PRKD1: variants seen among roughly 807,000 people sequenced by gnomAD.
PRKD1 encodes protein kinase D1, also known as serine/threonine-protein kinase D1.
Under a neutral mutation model 95.9 loss-of-function variants are expected in PRKD1, and 63 were observed. The observed-to-expected ratio is 0.66, with a 90% CI of 0.54 to 0.81. PRKD1 has a LOEUF of 0.81. Ranked by LOEUF, PRKD1 falls within the 30% of genes least tolerant of loss-of-function variation. The pLI, the probability that PRKD1 is intolerant of heterozygous loss-of-function variation, is 0.00. For synonymous variants in PRKD1, 425 were observed against 423.1 expected, an observed-to-expected ratio of 1.00 and a Z score of -0.05; for missense variants, 1,048 against 1,165.3, an observed-to-expected ratio of 0.90 and a Z score of 1.47.
intron 1 of PRKD1, among the ~76,000 whole-genome samples, chr14:29,855,283 G>T (rs565140026): frequency 6.6e-6 from 1 of 152,168 alleles, no homozygotes; most frequent in South Asian, 2.1e-4. Context: ...CCATAGGGAC[G>T]GAGCTGCCCA....
intron 1 of PRKD1, among the ~76,000 whole-genome samples, chr14:29,772,330 C>T (rs946148591): frequency 5.9e-5 from 9 of 152,082 alleles, no homozygotes; most frequent in African/African-American, 1.9e-4. Context: ...CTCAAGAAGG[C>T]CTGTCATCCC....
At chr14:29,656,043 C>G (rs1277468085) in intron 4 of PRKD1, among the ~76,000 whole-genome samples, 2 of 152,068 alleles carry the variant, frequency 1.3e-5, no homozygotes, top group Non-Finnish European at 2.9e-5. Context: ...TTGCATGCCT[C>G]TGTGGTACCT....
chr14:29,786,523 C>T (rs1889281252), intron 1 of PRKD1, among the ~76,000 whole-genome samples: 1 of 152,040 alleles, frequency 6.6e-6, no homozygotes, highest in African/African-American at 2.4e-5. Flanking sequence ...TCATTTCTTG[C>T]TAATGGTCTG....
chr14:29,800,047 G>C (rs1889964034), intron 1 of PRKD1, among the ~76,000 whole-genome samples: 1 of 152,054 alleles, frequency 6.6e-6, no homozygotes, highest in Non-Finnish European at 1.5e-5. Flanking sequence ...ACATGTGTTA[G>C]ATAAACTCAG....
At chr14:29,647,579 T>C (rs1254499662) in intron 4 of PRKD1, among the ~76,000 whole-genome samples, 1 of 152,152 alleles carries the variant, frequency 6.6e-6, no homozygotes, top group South Asian at 2.1e-4. Context: ...TGGCCTGGGT[T>C]TATGGTCTCA....
chr14:29,733,672 T>C (rs372744848), intron 1 of PRKD1, among the ~76,000 whole-genome samples: 2 of 151,992 alleles, frequency 1.3e-5, no homozygotes, highest in Non-Finnish European at 2.9e-5. Flanking sequence ...TTAGATCTCA[T>C]AAGAACTCAC....
intron 13 of PRKD1, among the ~76,000 whole-genome samples, chr14:29,623,435 A>G (rs1879408952): frequency 6.6e-6 from 1 of 152,232 alleles, no homozygotes; most frequent in Admixed American, 6.5e-5. Flanking sequence ...AAATTATGAC[A>G]TGCTTGCATG....
chr14:29,760,349 C>CTTTTT (rs36093531), intron 1 of PRKD1, among the ~76,000 whole-genome samples: 3 of 114,172 alleles, frequency 2.6e-5, no homozygotes, highest in Non-Finnish European at 3.5e-5. Context: ...ATTTTCTCAA[C>CTTTTT]TTTTTTTTTT....
intron 1 of PRKD1, among the ~76,000 whole-genome samples, chr14:29,872,450 A>AGTT (rs1893142006): frequency 6.6e-6 from 1 of 151,936 alleles, no homozygotes; most frequent in Non-Finnish European, 1.5e-5. Flanking sequence ...ATCACGAGTC[A>AGTT]GGACCATCCT....
chr14:29,727,534 C>T (rs557179592), intron 1 of PRKD1, among the ~76,000 whole-genome samples: 1,752 of 151,306 alleles, frequency 0.012, 28 homozygotes, highest in African/African-American at 0.041. Context: ...TTAGGTCTAA[C>T]GTTTAAGTCT....
intron 1 of PRKD1, among the ~76,000 whole-genome samples, chr14:29,896,387 C>CA (rs1894127061): frequency 6.6e-6 from 1 of 151,666 alleles, no homozygotes; most frequent in African/African-American, 2.4e-5. Context: ...CACACACACA[C>CA]CCATCAAGAC....
At chr14:29,875,970 A>C (rs1347204041) in intron 1 of PRKD1, among the ~76,000 whole-genome samples, 1 of 152,174 alleles carries the variant, frequency 6.6e-6, no homozygotes, top group Non-Finnish European at 1.5e-5. Context: ...CTTTTGTATG[A>C]GTGCTGGTGC....
At chr14:29,805,777 G>A (rs1398160333) in intron 1 of PRKD1, among the ~76,000 whole-genome samples, 1 of 152,204 alleles carries the variant, frequency 6.6e-6, no homozygotes, top group Non-Finnish European at 1.5e-5. Flanking sequence ...TCCAGAGCAT[G>A]GGCTCTGCTC....
chr14:29,718,214 A>G (rs1464998977), intron 2 of PRKD1, among the ~76,000 whole-genome samples: 1 of 152,004 alleles, frequency 6.6e-6, no homozygotes, highest in East Asian at 1.9e-4. Context: ...CGAGGCAGGG[A>G]AGTGGTTAAA....
intron 1 of PRKD1, among the ~76,000 whole-genome samples, chr14:29,913,296 T>C (rs1299167915): frequency 6.6e-6 from 1 of 152,170 alleles, no homozygotes; most frequent in Non-Finnish European, 1.5e-5. Flanking sequence ...AATGTACAGG[T>C]TTTTTGGCCA....
intron 4 of PRKD1, among the ~76,000 whole-genome samples, chr14:29,646,967 G>C (rs760836141): frequency 1.7e-4 from 26 of 152,038 alleles, no homozygotes; most frequent in Admixed American, 5.2e-4. Flanking sequence ...AGGTTGTTTG[G>C]TGGTATTCAG....
chr14:29,855,801 T>C (rs546151038), intron 1 of PRKD1, among the ~76,000 whole-genome samples: 10 of 152,266 alleles, frequency 6.6e-5, no homozygotes, highest in Non-Finnish European at 1.5e-4. Context: ...TGAGGTCTGA[T>C]GGTTTTAAAA....
intron 2 of PRKD1, among the ~76,000 whole-genome samples, chr14:29,713,696 G>T (rs1885448856): frequency 6.6e-6 from 1 of 152,058 alleles, no homozygotes; most frequent in African/African-American, 2.4e-5. Context: ...TCATAATACT[G>T]CATTGCTCTT....
intron 2 of PRKD1, among the ~76,000 whole-genome samples, chr14:29,723,804 A>C (rs781582938): frequency 6.6e-6 from 1 of 152,136 alleles, no homozygotes; most frequent in Non-Finnish European, 1.5e-5. Context: ...TTTAAATTCC[A>C]GCAAAATAGC....
Sources: allele counts gnomAD v4.1 joint callset (sites outside exome capture counted in the v4.1 genomes callset), GRCh38; gene constraint gnomAD v4.1.1; transcripts MANE v1.5; gene names NCBI Gene and HGNC (gene_info 2026-07-23, HGNC 2026-07-21).